YJEFN3: variants seen among roughly 807,000 people sequenced by gnomAD.
The protein encoded by YJEFN3 is yjeF N-terminal domain-containing protein 3.
A neutral mutation model predicts 31.5 loss-of-function variants in YJEFN3; 29 were observed. The ratio of observed to expected loss-of-function variants is 0.92; its 90% confidence interval spans 0.69 to 1.26. The LOEUF is 1.26. YJEFN3 is among the 50% of genes most tolerant of loss of function. The pLI is 0.00. For synonymous variants in YJEFN3, 227 were observed against 196.1 expected (o/e 1.16, Z -1.32); for missense variants, 442 against 425.4 (o/e 1.04, Z -0.34).
At chr19:19,533,057 C>T (rs2144661465) in intron 3 of YJEFN3, 3 of 1,155,398 alleles carry the variant, frequency 2.6e-6, no homozygotes, top group East Asian at 9.0e-5. Flanking sequence ...GCACCAGGGA[C>T]ATCTGCTCCT....
chr19:19,535,723 G>A, intron 6 of YJEFN3, 44 bp downstream of exon 6: 1 of 1,539,328 alleles, frequency 6.5e-7, no homozygotes, highest in South Asian at 1.2e-5. Context: ...GGGGGGCTTG[G>A]GTGGAGGCCC....
Position 19,535,651 on chromosome 19 carries a change from C to T in YJEFN3, c.666C>T (p.Ile222=). 1 of 1,573,732 alleles carries T rather than the reference C, an allele frequency of 6.4e-7. No homozygotes were observed. The highest frequency in any genetic ancestry group is 8.6e-7 in the Non-Finnish European group (1 of 1,160,756). The stretch of plus-strand genomic sequence containing the variant: ...TGGCCACGCTCAAGCTGCTGTCCAT[C>T]CCCCTCGTGAGCCTGGACATCCCCT... ...RALATLKLLS[I]PLVSLDIPSG... Residue 222 remains isoleucine (I), a synonymous_variant, in exon 6 of 7, where the codon ATC becomes ATT. Coordinates refer to ENST00000514277, the MANE Select transcript of YJEFN3 (RefSeq NM_198537.4).
intron 4 of YJEFN3, 25 bp from the exon 5 acceptor site, chr19:19,535,312 T>A: frequency 1.2e-6 from 2 of 1,606,100 alleles, no homozygotes; most frequent in African/African-American, 1.3e-5. Flanking sequence ...CAGGGGAGTC[T>A]GACCCCCTCT....
chr19:19,528,962 G>C lies in YJEFN3; in HGVS notation c.30G>C (p.Ser10=). 1.3e-6 allele frequency: 2 copies of C among 1,550,138 alleles called. No homozygotes were observed. Among genetic ancestry groups the C allele is most frequent in the Non-Finnish European group, 1.7e-6 (2 of 1,146,750 alleles). The stretch of plus-strand genomic sequence containing the variant: ...GCAGCGCAGCCGGCCCAGACCCGTC[G>C]GAGGCGCCCGAAGAGCGGCATTTCC... MSSAAGPDP[S]EAPEERHFLR... The change falls in exon 1 of 7, where the codon TCG becomes TCC. Residue 10 remains serine (S), a synonymous_variant. Transcript: ENST00000514277.
rs368371305 is a variant in YJEFN3 at position 19,528,944 on chromosome 19, A to G, written c.12A>G (p.Ala4=). The G allele has an allele frequency of 1.9e-6, 3 of 1,549,102 alleles. No homozygotes were observed. Among genetic ancestry groups the G allele is most frequent in the Non-Finnish European group, 2.6e-6 (3 of 1,146,382 alleles). Residue 4 remains alanine (A), a synonymous_variant, in exon 1 of 7, where the codon GCA becomes GCG. Coordinates refer to ENST00000514277, the MANE Select transcript of YJEFN3 (RefSeq NM_198537.4). MSS[A]AGPDPSEAPE... is the part of the protein sequence containing the mutation. Reference sequence around the variant, plus strand: ...GGCTCACCTCGGCCATGAGCAGCGCAGCCGGCCCAGACCCGTCGGAGGCGC... The same window carrying G: ...GGCTCACCTCGGCCATGAGCAGCGCGGCCGGCCCAGACCCGTCGGAGGCGC...
intron 3 of YJEFN3, chr19:19,533,618 T>A: frequency 4.4e-6 from 4 of 917,938 alleles, no homozygotes; most frequent in Middle Eastern, 5.5e-4. Flanking sequence ...ATCCTCCTCC[T>A]CCCCATTCTC....
chr19:19,536,415 TCA>T (rs1330378835), intron 6 of YJEFN3, among the ~76,000 whole-genome samples: 2 of 151,906 alleles, frequency 1.3e-5, no homozygotes, highest in African/African-American at 2.4e-5. Flanking sequence ...GGTGCAGGGG[TCA>T]CACCTGTAAT....
intron 2 of YJEFN3, 90 bp from the exon 3 acceptor site, chr19:19,532,542 C>T: frequency 9.0e-6 from 8 of 888,684 alleles, no homozygotes; most frequent in Non-Finnish European, 1.3e-5. Flanking sequence ...GCATTGGGAC[C>T]GGGTTCAGAA....
chr19:19,530,699 C>T (rs907524355), intron 2 of YJEFN3, among the ~76,000 whole-genome samples: 34 of 152,172 alleles, frequency 2.2e-4, no homozygotes, highest in Non-Finnish European at 4.4e-4. Flanking sequence ...CTGGGAGCTG[C>T]GCTGGCCTGC....
chr19:19,532,654 G>A lies in YJEFN3; in HGVS notation c.232G>A (p.Glu78Lys), dbSNP rs1383748844. The A allele has an allele frequency of 1.9e-6, 3 of 1,563,380 alleles. No individual in the cohort carries two copies. In the East Asian group the frequency reaches 7.1e-5, roughly 37 times the overall value. The part of the protein sequence containing the change: ...CQSTAEAAAL[E>K]RELLEDYRFG... ...CAGCACCGCGGAGGCAGCCGCCCTG[G>A]AGCGGGAGCTGCTGGAGGATTATCG... is the stretch of plus-strand genomic sequence containing the variant. Residue 78 changes from glutamate (E) to lysine (K), a missense_variant, in exon 3 of 7, where the codon GAG becomes AAG. Glu to Lys is a moderately conservative substitution (Grantham distance 56, BLOSUM62 1). Coordinates refer to ENST00000514277, the MANE Select transcript of YJEFN3 (RefSeq NM_198537.4).
chr19:19,537,413 CT>C lies in YJEFN3; in HGVS notation c.790del (p.Ser264ProfsTer50). On this transcript the variant is annotated frameshift_variant, in exon 7 of 7. Coordinates refer to ENST00000514277, the MANE Select transcript of YJEFN3 (RefSeq NM_198537.4). LOFTEE classifies it high-confidence loss of function. ...AAPKRCAGRFSGRHHFVAGRF... is the reference protein window; with the variant it reads ...AAPKRCAGRFXGRHHFVAGRF... ...CGCCCAAGCGCTGCGCTGGCCGCTT[CT>C]CCGGGCGCCACCACTTCGTGGCCGG... 6.3e-7 allele frequency: 1 copy of C among 1,591,692 alleles called. No individual in the cohort carries two copies.
Position 19,534,623 on chromosome 19 carries a change from G to C in YJEFN3, c.319-411G>C. The C allele has an allele frequency of 6.2e-6, 1 of 161,778 alleles. No individual in the cohort carries two copies. The highest frequency in any genetic ancestry group is 2.0e-4 in the South Asian group (1 of 5,070). 10.0% of individuals were successfully genotyped at this position (161,778 alleles called of 1,614,324 possible). A position where few individuals can be genotyped will look rare whatever the true frequency, so the allele number is the denominator to read the frequency against. On this transcript the variant is annotated intron_variant, in intron 3 of 6. Coordinates refer to ENST00000514277, the MANE Select transcript of YJEFN3 (RefSeq NM_198537.4). This position sits in a 1 kb window ranked among gnomAD's most constrained non-coding sequence, Gnocchi z 4.6. ...ACAGAGACAGCCAGAGAGAGACAGA[G>C]AGGCCCCAGGGCATCGTGGCTAAGG...
intron 2 of YJEFN3, among the ~76,000 whole-genome samples, chr19:19,531,716 AC>A (rs1466966725): frequency 8.7e-6 from 1 of 114,866 alleles, no homozygotes; most frequent in Non-Finnish European, 1.7e-5. Context: ...GCAACAAATA[AC>A]CTTTTTTTTT....
intron 6 of YJEFN3, among the ~76,000 whole-genome samples, chr19:19,536,958 C>A (rs1386656448): frequency 6.6e-6 from 1 of 152,118 alleles, no homozygotes; most frequent in Non-Finnish European, 1.5e-5. Context: ...TGACTGAAGA[C>A]AGAGGCTGGG....
At chr19:19,529,316 C>A in intron 1 of YJEFN3, 48 bp from the exon 2 acceptor site, 1 of 1,569,700 alleles carries the variant, frequency 6.4e-7, no homozygotes. Context: ...TGGTCGCTCC[C>A]CCACCGAACC....
At chr19:19,532,763 C>G (rs993634017) in intron 3 of YJEFN3, 23 bp downstream of exon 3, 4 of 1,522,052 alleles carry the variant, frequency 2.6e-6, no homozygotes, top group Non-Finnish European at 3.5e-6. Flanking sequence ...TGACCCCCAA[C>G]CCTGACCCCA....
rs1009870323 is a variant in YJEFN3 at position 19,528,939 on chromosome 19, A to G, written c.7A>G (p.Ser3Gly). The part of the protein sequence containing the change: MS[S>G]AAGPDPSEAP... ...GCCCGGGCTCACCTCGGCCATGAGC[A>G]GCGCAGCCGGCCCAGACCCGTCGGA... The change falls in exon 1 of 7, where the codon AGC (serine) becomes GGC (glycine). Residue 3 changes from serine (S) to glycine (G), a missense_variant. Physicochemically the swap from Ser to Gly is moderately conservative, Grantham distance 56. Transcript: ENST00000514277. 90 of 1,548,692 alleles carry G rather than the reference A, an allele frequency of 5.8e-5. No homozygotes were observed. The highest frequency in any genetic ancestry group is 7.6e-5 in the Non-Finnish European group (87 of 1,146,296).
At chr19:19,532,360 C>T (rs1416695721) in intron 2 of YJEFN3, among the ~76,000 whole-genome samples, 1 of 152,256 alleles carries the variant, frequency 6.6e-6, no homozygotes, top group Non-Finnish European at 1.5e-5. Flanking sequence ...GCAGTAGAAC[C>T]AACGCGCGGC....
rs767942130 is a variant in YJEFN3, at chr19:19,535,617, C to T, written c.632C>T (p.Thr211Ile). ...VEPGEVGGPC[T>I]RALATLKLLS... The stretch of plus-strand genomic sequence containing the variant: ...CCGGGCGAGGTCGGGGGCCCCTGCA[C>T]CCGCGCGCTGGCCACGCTCAAGCTG... The change falls in exon 6 of 7, where the codon ACC (threonine) becomes ATC (isoleucine). Residue 211 changes from threonine (T) to isoleucine (I), a missense_variant. Physicochemically the swap from Thr to Ile is moderately conservative, Grantham distance 89 (BLOSUM62 -1). Transcript: ENST00000514277. The T allele has an allele frequency of 1.9e-6, 3 of 1,589,156 alleles. No homozygotes were observed. The highest frequency in any genetic ancestry group is 3.5e-5 in the Admixed American group (2 of 56,482).
Sources: allele counts gnomAD v4.1 joint callset (sites outside exome capture counted in the v4.1 genomes callset), GRCh38; gene constraint gnomAD v4.1.1; non-coding constraint Gnocchi (gnomAD v3.1); transcripts MANE v1.5; gene names NCBI Gene and HGNC (gene_info 2026-07-23, HGNC 2026-07-21).